The following USP25 variants were observed in gnomAD, a reference collection of about 807,000 sequenced individuals.
The protein encoded by USP25 is ubiquitin carboxyl-terminal hydrolase 25.
A neutral mutation model predicts 158.5 loss-of-function variants in USP25; 85 were observed. That is an observed-to-expected ratio of 0.54 (90% CI 0.45 to 0.64). The LOEUF (loss-of-function observed/expected upper bound fraction) is 0.64. Ranked by LOEUF, USP25 falls within the 30% of genes least tolerant of loss-of-function variation. The pLI, the probability that USP25 is intolerant of heterozygous loss-of-function variation, is 0.00. For synonymous variants in USP25, 464 were observed against 460.4 expected (o/e 1.01, Z -0.10); for missense variants, 1,242 against 1,327.3 (o/e 0.94, Z 1.00).
At chr21:15,751,754 C>G (rs1471325838) in intron 1 of USP25, among the ~76,000 whole-genome samples, 5 of 152,090 alleles carry the variant, frequency 3.3e-5, no homozygotes, top group Non-Finnish European at 7.4e-5. Context: ...AATACATGTT[C>G]CCATAGAAAC....
intron 21 of USP25, 64 bp from the exon 22 acceptor site, chr21:15,866,202 A>AATATAT (rs147076784): frequency 5.2e-4 from 467 of 895,550 alleles, no homozygotes; most frequent in Middle Eastern, 1.2e-3. Flanking sequence ...TTGATTTACA[A>AATATAT]ATATATATAT....
At chr21:15,799,892 T>C in intron 6 of USP25, 49 bp downstream of exon 6, 1 of 1,231,432 alleles carries the variant, frequency 8.1e-7, no homozygotes, top group South Asian at 1.9e-5. Flanking sequence ...CTATATGTTC[T>C]CTTATATGTG....
At chr21:15,735,505 C>T (rs1470035632) in intron 1 of USP25, among the ~76,000 whole-genome samples, 1 of 152,184 alleles carries the variant, frequency 6.6e-6, no homozygotes, top group Non-Finnish European at 1.5e-5. Context: ...GGGACTTTGA[C>T]ATTCGCAGAT....
intron 4 of USP25, among the ~76,000 whole-genome samples, chr21:15,780,006 A>G (rs1042202966): frequency 6.6e-6 from 1 of 152,160 alleles, no homozygotes; most frequent in Non-Finnish European, 1.5e-5. Flanking sequence ...TATCAGAGAT[A>G]TATTTGCTCA....
rs1780341132 is a variant in USP25, at chr21:15,875,324, T to C, written c.3009+798T>C. 6.6e-6 allele frequency among the ~76,000 whole-genome samples: 1 copy of C among 152,226 alleles called. No homozygotes were observed. The highest frequency in any genetic ancestry group is 1.5e-5 in the Non-Finnish European group (1 of 68,050). On this transcript the variant is annotated intron_variant, in intron 24 of 25. Transcript: ENST00000400183. The surrounding 1 kb of genome is among the most constrained non-coding windows in gnomAD (Gnocchi z 4.7). Reference sequence around the variant, plus strand: ...TTCCTCTGAAACCTTCAAAAAATGGTATAATGTTTCTCATCATTTTTTGTA... The same window carrying C: ...TTCCTCTGAAACCTTCAAAAAATGGCATAATGTTTCTCATCATTTTTTGTA...
At chr21:15,857,761 C>A (rs2039226897) in intron 20 of USP25, among the ~76,000 whole-genome samples, 3 of 151,986 alleles carry the variant, frequency 2.0e-5, no homozygotes, top group African/African-American at 7.2e-5. Context: ...TAGATTTGGT[C>A]CTGTGATCAC....
At chr21:15,854,010 G>A (rs543937247) in intron 20 of USP25, among the ~76,000 whole-genome samples, 1 of 151,920 alleles carries the variant, frequency 6.6e-6, no homozygotes, top group Admixed American at 6.6e-5. Flanking sequence ...CATAAAATAT[G>A]TACACACCAT....
rs577090873 is a variant in USP25 at position 15,831,281 on chromosome 21, C to T, written c.1765-120C>T. ...CTTTTAAGCCCAGCCAGTTCTCTCT[C>T]ATTTAAAAAAAAAAATGCTCTTATG... On this transcript the variant is annotated intron_variant, in intron 15 of 25. Transcript: ENST00000400183. 3.8e-4 allele frequency: 334 copies of T among 871,512 alleles called. 10 individuals are homozygous for T. In the South Asian group the frequency reaches 5.6e-3, roughly 15 times the overall value. The allele number at this position is 871,512 out of a possible 1,614,324, so 54.0% of individuals were successfully genotyped here.
At chr21:15,791,461 A>G in intron 4 of USP25, 41 bp from the exon 5 acceptor site, 1 of 1,551,790 alleles carries the variant, frequency 6.4e-7, no homozygotes, top group Non-Finnish European at 8.7e-7. Context: ...TGGGATATAT[A>G]CCATTATATA....
At chr21:15,850,106 A>G (rs16990578) in intron 20 of USP25, among the ~76,000 whole-genome samples, 2 of 151,976 alleles carry the variant, frequency 1.3e-5, no homozygotes, top group Admixed American at 1.3e-4. Context: ...AGTCACTCTA[A>G]TAGTGTGCTT....
chr21:15,827,618 T>C (rs1438683979), intron 14 of USP25, among the ~76,000 whole-genome samples: 1 of 152,194 alleles, frequency 6.6e-6, no homozygotes, highest in Non-Finnish European at 1.5e-5. Flanking sequence ...ATTAGAAATG[T>C]GAATTTTAAT....
intron 4 of USP25, among the ~76,000 whole-genome samples, 175 bp from the exon 5 acceptor site, chr21:15,791,327 C>T (rs780330176): frequency 6.6e-6 from 1 of 151,800 alleles, no homozygotes; most frequent in Non-Finnish European, 1.5e-5. Flanking sequence ...CTATACTTCT[C>T]TATGTATTAG....
At chr21:15,781,977 A>C (rs868350250) in intron 4 of USP25, among the ~76,000 whole-genome samples, 1 of 152,322 alleles carries the variant, frequency 6.6e-6, no homozygotes, top group Non-Finnish European at 1.5e-5. Context: ...CCTGGAGGCC[A>C]GTAGCCACCC....
intron 20 of USP25, among the ~76,000 whole-genome samples, chr21:15,854,067 A>G (rs182911491): frequency 1.4e-4 from 21 of 152,154 alleles, no homozygotes; most frequent in African/African-American, 4.3e-4. Context: ...TTTCCCCTCA[A>G]TTAGATATAG....
intron 8 of USP25, among the ~76,000 whole-genome samples, chr21:15,810,187 G>T (rs1457985150): frequency 3.9e-5 from 6 of 152,092 alleles, no homozygotes; most frequent in Non-Finnish European, 8.8e-5. Flanking sequence ...ACCTGAACGT[G>T]AAGGGCCAGA....
intron 20 of USP25, among the ~76,000 whole-genome samples, chr21:15,857,356 G>T (rs915991940): frequency 2.0e-5 from 3 of 152,140 alleles, no homozygotes; most frequent in Non-Finnish European, 1.5e-5. Flanking sequence ...ACATAGCAGA[G>T]TTGACAAGTC....
At chr21:15,789,255 A>ACAT (rs2123596540) in intron 4 of USP25, among the ~76,000 whole-genome samples, 1 of 152,212 alleles carries the variant, frequency 6.6e-6, no homozygotes, top group East Asian at 1.9e-4. Context: ...GGCGTAAAGG[A>ACAT]ATTGACTATA....
intron 20 of USP25, among the ~76,000 whole-genome samples, chr21:15,856,628 C>T (rs565349312): frequency 3.3e-5 from 5 of 152,202 alleles, no homozygotes; most frequent in South Asian, 2.1e-4. Flanking sequence ...CCCGCTACCA[C>T]GCCCGGCTAA....
At chr21:15,864,480 T>A (rs1601171249) in intron 21 of USP25, 34 bp downstream of exon 21, 1 of 1,541,308 alleles carries the variant, frequency 6.5e-7, no homozygotes. Flanking sequence ...TATGCTCAAA[T>A]CGTTCTTTTT....
Sources: allele counts gnomAD v4.1 joint callset (sites outside exome capture counted in the v4.1 genomes callset), GRCh38; gene constraint gnomAD v4.1.1; non-coding constraint Gnocchi (gnomAD v3.1); transcripts MANE v1.5; gene names NCBI Gene and HGNC (gene_info 2026-07-23, HGNC 2026-07-21).